The following KIF26B variants were observed in gnomAD, a reference collection of about 807,000 sequenced individuals.
KIF26B encodes the protein kinesin-like protein KIF26B.
Under a neutral mutation model 151.2 loss-of-function variants are expected in KIF26B, and 63 were observed. That is an observed-to-expected ratio of 0.42 (90% CI 0.34 to 0.51). The LOEUF (loss-of-function observed/expected upper bound fraction) is 0.51. Among genes scored for constraint, KIF26B ranks in the 20% least tolerant of loss-of-function variants. The probability of loss-of-function intolerance (pLI) is 0.07; values close to 1 mark genes in which losing one functional copy is unlikely to be tolerated. For missense variants in KIF26B, 2,813 were observed against 2,913.6 expected (o/e 0.97, Z 0.79); for synonymous variants, 1,357 against 1,262.1 (o/e 1.08, Z -1.59).
At chr1:245,380,179 A>G (rs1673374853) in intron 3 of KIF26B, among the ~76,000 whole-genome samples, 1 of 152,296 alleles carries the variant, frequency 6.6e-6, no homozygotes, top group Non-Finnish European at 1.5e-5. Flanking sequence ...TTAGAAGCAT[A>G]TTAGTCACTA....
intron 2 of KIF26B, among the ~76,000 whole-genome samples, chr1:245,243,953 C>T (rs1002116509): frequency 1.3e-5 from 2 of 151,948 alleles, no homozygotes; most frequent in African/African-American, 4.8e-5. Flanking sequence ...CCTTTTTTGA[C>T]TTTTGAGACA....
Position 245,687,213 on chromosome 1 carries a change from C to G in KIF26B, c.4230C>G (p.Pro1410=), listed in dbSNP as rs753281000. Residue 1410 remains proline (P), a synonymous_variant, in exon 12 of 15, where the codon CCC becomes CCG. Coordinates refer to ENST00000407071, the MANE Select transcript of KIF26B (RefSeq NM_018012.4). The surrounding 1 kb of genome is among the most constrained non-coding windows in gnomAD (Gnocchi z 4.9). Reference sequence around the variant, plus strand: ...GGAACATCCAAGAGCCGGAGGCCCCCACCGCCACCCCCAAAGCAGGCCCCA... The same window carrying G: ...GGAACATCCAAGAGCCGGAGGCCCCGACCGCCACCCCCAAAGCAGGCCCCA... ...SPRNIQEPEA[P]TATPKAGPTL... 1 of 1,612,944 alleles carries G rather than the reference C, an allele frequency of 6.2e-7. No individual in the cohort carries two copies.
intron 4 of KIF26B, among the ~76,000 whole-genome samples, chr1:245,523,151 T>G (rs1318370515): frequency 2.6e-5 from 4 of 152,232 alleles, no homozygotes; most frequent in African/African-American, 9.6e-5. Context: ...AAAGAAGATT[T>G]GAAACCACAC....
intron 2 of KIF26B, among the ~76,000 whole-genome samples, chr1:245,193,313 C>G (rs1471181892): frequency 6.6e-6 from 1 of 152,174 alleles, no homozygotes; most frequent in Admixed American, 6.5e-5. Flanking sequence ...CATGTTTGCA[C>G]TATTGTGAAT....
At chr1:245,548,430 C>T (rs1661800164) in intron 5 of KIF26B, among the ~76,000 whole-genome samples, 1 of 152,192 alleles carries the variant, frequency 6.6e-6, no homozygotes, top group African/African-American at 2.4e-5. Flanking sequence ...TCCTTGGCTC[C>T]ACCTGCTCTT....
intron 2 of KIF26B, among the ~76,000 whole-genome samples, chr1:245,249,248 C>T (rs1383132309): frequency 6.6e-6 from 1 of 151,876 alleles, no homozygotes; most frequent in African/African-American, 2.4e-5. Context: ...AGGTGTGTGC[C>T]ACCATGCCTG....
chr1:245,365,657 A>G (rs1219787497), intron 2 of KIF26B, among the ~76,000 whole-genome samples: 1 of 152,074 alleles, frequency 6.6e-6, no homozygotes, highest in Non-Finnish European at 1.5e-5. Flanking sequence ...AGCGTTATCA[A>G]TTACCTGCAA....
intron 2 of KIF26B, among the ~76,000 whole-genome samples, chr1:245,212,040 C>T (rs1265651251): frequency 6.6e-6 from 1 of 152,082 alleles, no homozygotes; most frequent in Non-Finnish European, 1.5e-5. Context: ...GAGGAAGGGT[C>T]CCCCCTTAGC....
At chr1:245,276,160 G>C (rs1670934136) in intron 2 of KIF26B, among the ~76,000 whole-genome samples, 1 of 152,092 alleles carries the variant, frequency 6.6e-6, no homozygotes, top group South Asian at 2.1e-4. Context: ...TGGCCAACAT[G>C]GGAAAACCTC....
intron 10 of KIF26B, among the ~76,000 whole-genome samples, chr1:245,648,130 G>A (rs957781318): frequency 6.6e-6 from 1 of 152,190 alleles, no homozygotes; most frequent in Admixed American, 6.5e-5. Flanking sequence ...TCATGATATA[G>A]ATAAAATTCC....
intron 2 of KIF26B, among the ~76,000 whole-genome samples, chr1:245,366,329 G>A (rs1048429010): frequency 1.3e-5 from 2 of 152,120 alleles, no homozygotes; most frequent in Non-Finnish European, 2.9e-5. Context: ...TCAGGAGATT[G>A]AGACCATCCT....
intron 4 of KIF26B, among the ~76,000 whole-genome samples, chr1:245,517,390 C>T (rs1660992462): frequency 6.6e-6 from 1 of 151,778 alleles, no homozygotes; most frequent in South Asian, 2.1e-4. Context: ...AAATAGTTTC[C>T]AGCATTTAGC....
chr1:245,211,391 A>AGT (rs1014013693), intron 2 of KIF26B, among the ~76,000 whole-genome samples: 1 of 152,170 alleles, frequency 6.6e-6, no homozygotes, highest in African/African-American at 2.4e-5. Context: ...AAAATGATCC[A>AGT]GTGCTGGAGG....
intron 2 of KIF26B, chr1:245,214,087 T>C (rs1362968976): frequency 6.6e-6 from 1 of 152,234 alleles, no homozygotes; most frequent in East Asian, 1.9e-4. Flanking sequence ...GGAAGACCAT[T>C]TGAAATAGAT....
intron 2 of KIF26B, among the ~76,000 whole-genome samples, chr1:245,226,888 T>C (rs1669887291): frequency 6.6e-6 from 1 of 152,226 alleles, no homozygotes; most frequent in South Asian, 2.1e-4. Flanking sequence ...GTAAGAAAGC[T>C]CAGTGGGCTT....
At position 245,241,113 on chromosome 1, in the gene KIF26B, A is replaced by G. The variant is rs2103559911; in HGVS notation, c.465+84430A>G. Reference sequence around the variant, plus strand: ...GGGTCAGAATACACCTGTCAGGAAAATCATCGGTAGTGAGCAGTTTCTTCC... The same window carrying G: ...GGGTCAGAATACACCTGTCAGGAAAGTCATCGGTAGTGAGCAGTTTCTTCC... On this transcript the variant is annotated intron_variant, in intron 2 of 14. Coordinates refer to ENST00000407071, the MANE Select transcript of KIF26B (RefSeq NM_018012.4). The surrounding 1 kb of genome is among the most constrained non-coding windows in gnomAD (Gnocchi z 5.0). Among the ~76,000 whole-genome samples, 1 of 152,272 alleles carries G rather than the reference A, an allele frequency of 6.6e-6. No individual in the cohort carries two copies. The highest frequency in any genetic ancestry group is 2.1e-4 in the South Asian group (1 of 4,822).
intron 4 of KIF26B, among the ~76,000 whole-genome samples, chr1:245,447,280 A>C (rs191706185): frequency 6.6e-6 from 1 of 152,312 alleles, no homozygotes; most frequent in Admixed American, 6.5e-5. Flanking sequence ...GTAATGGTCT[A>C]GTCTTAATGT....
At chr1:245,202,496 C>G (rs1482052638) in intron 2 of KIF26B, among the ~76,000 whole-genome samples, 1 of 151,828 alleles carries the variant, frequency 6.6e-6, no homozygotes, top group African/African-American at 2.4e-5. Context: ...CAGTGGCTCA[C>G]GCCTATAATC....
At chr1:245,684,762 G>A in intron 11 of KIF26B, among the ~76,000 whole-genome samples, 1 of 152,226 alleles carries the variant, frequency 6.6e-6, no homozygotes, top group Non-Finnish European at 1.5e-5. Flanking sequence ...TGGAGACTGT[G>A]TCCTTCGAAG....
Sources: allele counts gnomAD v4.1 joint callset (sites outside exome capture counted in the v4.1 genomes callset), GRCh38; gene constraint gnomAD v4.1.1; non-coding constraint Gnocchi (gnomAD v3.1); transcripts MANE v1.5; gene names NCBI Gene and HGNC (gene_info 2026-07-23, HGNC 2026-07-21).